SNX8: variants seen among roughly 807,000 people sequenced by gnomAD.
SNX8 encodes the protein sorting nexin 8, also known as sorting nexin-8.
In SNX8, 25 loss-of-function variants were observed where a neutral mutation model predicts 51.6. The observed-to-expected ratio is 0.48, with a 90% CI of 0.35 to 0.68. The LOEUF (loss-of-function observed/expected upper bound fraction) is 0.68, where lower values mean the gene tolerates loss of function less well. SNX8 is among the 30% of genes least tolerant of loss of function. The pLI, the probability that SNX8 is intolerant of heterozygous loss-of-function variation, is 0.00. For synonymous variants in SNX8, 324 were observed against 277.0 expected, an observed-to-expected ratio of 1.17 and a Z score of -1.68; for missense variants, 695 against 624.0, an observed-to-expected ratio of 1.11 and a Z score of -1.21.
chr7:2,336,320 G>C (rs1394582841), intron 1 of SNX8, among the ~76,000 whole-genome samples: 1 of 151,946 alleles, frequency 6.6e-6, no homozygotes, highest in East Asian at 1.9e-4. Flanking sequence ...AGAATCGCTT[G>C]AACTGGGTGG....
chr7:2,326,111 C>T (rs1778617884), intron 1 of SNX8, among the ~76,000 whole-genome samples: 1 of 152,042 alleles, frequency 6.6e-6, no homozygotes, highest in East Asian at 1.9e-4. Flanking sequence ...GTGGCTCATG[C>T]CTATAATCCC....
chr7:2,308,779 A>ATT (rs1562451543), intron 1 of SNX8, among the ~76,000 whole-genome samples: 16 of 150,118 alleles, frequency 1.1e-4, no homozygotes, highest in African/African-American at 4.0e-4. Context: ...AAAATGAACA[A>ATT]ATTTTTTTTT....
intron 1 of SNX8, among the ~76,000 whole-genome samples, chr7:2,312,054 G>C (rs759433020): frequency 1.9e-4 from 29 of 152,112 alleles, no homozygotes; most frequent in Non-Finnish European, 4.1e-4. Context: ...TTTCAGACTT[G>C]CCTGGTTACA....
At chr7:2,351,269 C>T (rs894035292) in intron 1 of SNX8, among the ~76,000 whole-genome samples, 3 of 152,168 alleles carry the variant, frequency 2.0e-5, no homozygotes, top group Non-Finnish European at 4.4e-5. Flanking sequence ...AGAAATAGAC[C>T]AGCGGAGGCC....
rs537452927 is a variant in SNX8, at chr7:2,263,422, G to A, written c.783-60C>T. 4.5e-4 allele frequency: 671 copies of A among 1,502,872 alleles called. 9 individuals are homozygous for A. In the South Asian group the frequency reaches 7.6e-3, roughly 17 times the overall value. The allele number at this position is 1,502,872 out of a possible 1,614,324, so 93.1% of individuals were successfully genotyped here. A position where few individuals can be genotyped will look rare whatever the true frequency, so the allele number is the denominator to read the frequency against. ...AAGGCCTGGAGCTCACCTGGCAGTC[G>A]AGTCTGGCATCCCCCCCGACAGATG... On this transcript the variant is annotated intron_variant, in intron 6 of 10. Coordinates refer to ENST00000222990, the MANE Select transcript of SNX8 (RefSeq NM_013321.4).
At chr7:2,344,717 C>G (rs940839599) in intron 1 of SNX8, among the ~76,000 whole-genome samples, 6 of 151,938 alleles carry the variant, frequency 3.9e-5, no homozygotes, top group African/African-American at 1.5e-4. Context: ...TCAGGATCAT[C>G]TGAGGACAGC....
At chr7:2,271,800 G>C in intron 4 of SNX8, 50 bp downstream of exon 4, 1 of 1,556,812 alleles carries the variant, frequency 6.4e-7, no homozygotes, top group Non-Finnish European at 8.7e-7. Flanking sequence ...CGGGTCCGGA[G>C]GCTCGGGGAC....
At chr7:2,311,799 T>C (rs1174287422) in intron 1 of SNX8, among the ~76,000 whole-genome samples, 4 of 151,224 alleles carry the variant, frequency 2.6e-5, no homozygotes, top group African/African-American at 7.3e-5. Context: ...TAGCCGGGCG[T>C]GGTGGCGGGC....
intron 1 of SNX8, among the ~76,000 whole-genome samples, chr7:2,328,127 G>A (rs1184769617): frequency 6.6e-6 from 1 of 151,908 alleles, no homozygotes. Context: ...TCAGCTCACT[G>A]CAACCTCTGC....
chr7:2,283,064 T>A (rs1445702082), intron 1 of SNX8, among the ~76,000 whole-genome samples: 2 of 150,352 alleles, frequency 1.3e-5, no homozygotes, highest in Admixed American at 1.3e-4. Context: ...GAGCTTGCAG[T>A]GAGCAGAGAT....
chr7:2,263,174 T>C, intron 7 of SNX8, 56 bp downstream of exon 7: 4 of 1,587,060 alleles, frequency 2.5e-6, no homozygotes, highest in South Asian at 1.1e-5. Flanking sequence ...GCACTCCCCA[T>C]GCAAAGGCAT....
upstream of SNX8, among the ~76,000 whole-genome samples, chr7:2,315,400 CCACTCACT>C (rs1473257543): frequency 6.8e-6 from 1 of 147,442 alleles, no homozygotes; most frequent in African/African-American, 2.5e-5. Flanking sequence ...ACCCACTCAC[CCACTCACT>C]CACTGCATCC....
intron 5 of SNX8, among the ~76,000 whole-genome samples, chr7:2,266,833 T>G (rs1293307455): frequency 2.0e-5 from 3 of 152,108 alleles, no homozygotes; most frequent in African/African-American, 7.2e-5. Context: ...AGAAGAGGTT[T>G]AAAAAGAAAA....
intron 7 of SNX8, among the ~76,000 whole-genome samples, chr7:2,259,823 T>C (rs1393057160): frequency 6.6e-6 from 1 of 152,112 alleles, no homozygotes; most frequent in Non-Finnish European, 1.5e-5. Flanking sequence ...GGTCCCTCTG[T>C]TCGTGTCATT....
In SNX8 at chr7:2,351,910, T is replaced by TG. The variant is rs1554271089; in HGVS notation, c.-66+2311_-66+2312insC. Among the ~76,000 whole-genome samples the TG allele has an allele frequency of 4.2e-3, 554 of 132,138 alleles. 11 individuals are homozygous for TG. Among genetic ancestry groups the TG allele is most frequent in the African/African-American group, 0.015 (523 of 35,768 alleles). 86.7% of individuals were successfully genotyped at this position (132,138 alleles called of 152,430 possible). Reference sequence around the variant, plus strand: ...AGTTTTTGTTGTTGTTGTTGGTTTTTTTTTTTTTTTTTTTTTGAGATGGAT... The same window carrying TG: ...AGTTTTTGTTGTTGTTGTTGGTTTTTGTTTTTTTTTTTTTTTTGAGATGGAT... On this transcript the variant is annotated intron_variant, in intron 1 of 5. Transcript: ENST00000435336.
chr7:2,295,196 G>A (rs1796243062), intron 1 of SNX8, among the ~76,000 whole-genome samples: 2 of 152,096 alleles, frequency 1.3e-5, no homozygotes, highest in African/African-American at 4.8e-5. Flanking sequence ...TTGAGGTCAG[G>A]AGTTCGAGAC....
chr7:2,294,449 C>T (rs1053571970), intron 1 of SNX8, among the ~76,000 whole-genome samples: 18 of 152,092 alleles, frequency 1.2e-4, no homozygotes, highest in Non-Finnish European at 2.2e-4. Context: ...CTTCATAGAC[C>T]ATCTCTTTGT....
At chr7:2,353,902 G>A (rs374502030) in intron 1 of SNX8, among the ~76,000 whole-genome samples, 1 of 152,274 alleles carries the variant, frequency 6.6e-6, no homozygotes, top group African/African-American at 2.4e-5. Flanking sequence ...GATCCACTGG[G>A]TTGTTTTCTA....
chr7:2,333,825 G>A (rs528128683), intron 1 of SNX8, among the ~76,000 whole-genome samples: 3 of 152,240 alleles, frequency 2.0e-5, no homozygotes, highest in South Asian at 2.1e-4. Flanking sequence ...ATTAACCCAC[G>A]TCATAGGTCT....
Sources: allele counts gnomAD v4.1 joint callset (sites outside exome capture counted in the v4.1 genomes callset), GRCh38; gene constraint gnomAD v4.1.1; transcripts MANE v1.5; gene names NCBI Gene and HGNC (gene_info 2026-07-23, HGNC 2026-07-21).